MGRN1: variants seen among roughly 807,000 people sequenced by gnomAD.
MGRN1 encodes mahogunin ring finger 1.
A neutral mutation model predicts 69.2 loss-of-function variants in MGRN1; 29 were observed. The ratio of observed to expected loss-of-function variants is 0.42; its 90% CI spans 0.31 to 0.57. MGRN1 has a LOEUF of 0.57. MGRN1 is among the 20% of genes least tolerant of loss of function. MGRN1 has a pLI of 0.15. For synonymous variants in MGRN1, 470 were observed against 344.2 expected, an observed-to-expected ratio of 1.37 and a Z score of -4.04; for missense variants, 998 against 796.2, an observed-to-expected ratio of 1.25 and a Z score of -3.05.
At position 4,683,888 on chromosome 16, in the gene MGRN1, C is replaced by T. The variant is rs2079246814; in HGVS notation, c.1574C>T (p.Pro525Leu). 5 of 1,613,072 alleles carry T rather than the reference C, an allele frequency of 3.1e-6. No homozygotes were observed. The highest frequency in any genetic ancestry group is 4.2e-6 in the Non-Finnish European group (5 of 1,179,898). The stretch of plus-strand genomic sequence containing the variant: ...GAGAATGTCCTGCAGGACAGCAGCC[C>T]CGAGCACTGTGGCCGAGGCCCACCT... ...SIENVLQDSS[P>L]EHCGRGPPAD... is the part of the protein sequence containing the mutation. Residue 525 changes from proline (P) to leucine (L), a missense_variant, in exon 16 of 17, where the codon CCC (proline) becomes CTC (leucine). By Grantham distance (98) the Pro-to-Leu change is moderately conservative. Coordinates refer to ENST00000262370, the MANE Select transcript of MGRN1 (RefSeq NM_015246.4).
intron 11 of MGRN1, among the ~76,000 whole-genome samples, chr16:4,679,642 G>A (rs1016917696): frequency 6.6e-6 from 1 of 152,208 alleles, no homozygotes; most frequent in Non-Finnish European, 1.5e-5. Context: ...GCACCGGCTG[G>A]CTGGGGGACT....
intron 11 of MGRN1, among the ~76,000 whole-genome samples, chr16:4,679,810 C>T (rs1293754534): frequency 6.6e-6 from 1 of 152,148 alleles, no homozygotes; most frequent in East Asian, 1.9e-4. Context: ...ACAGCCTCCC[C>T]ACTGCAGCAG....
At chr16:4,638,233 G>C (rs886843206) in intron 1 of MGRN1, among the ~76,000 whole-genome samples, 2 of 152,126 alleles carry the variant, frequency 1.3e-5, no homozygotes, top group Non-Finnish European at 2.9e-5. Flanking sequence ...TTGGGAGGCC[G>C]AGGCGGGTGG....
At chr16:4,658,408 C>T (rs1215265916) in intron 5 of MGRN1, among the ~76,000 whole-genome samples, 3 of 152,116 alleles carry the variant, frequency 2.0e-5, no homozygotes, top group African/African-American at 7.2e-5. Flanking sequence ...TGGTGGCGGG[C>T]GCCTGTAGTC....
chr16:4,681,267 G>C, intron 12 of MGRN1: 1 of 463,228 alleles, frequency 2.2e-6, no homozygotes, highest in Middle Eastern at 5.5e-4. Flanking sequence ...CTGAAAGCCA[G>C]GGAGGGGCTG....
chr16:4,636,688 T>G (rs192468553), intron 1 of MGRN1, among the ~76,000 whole-genome samples: 245 of 152,268 alleles, frequency 1.6e-3, no homozygotes, highest in African/African-American at 4.7e-3. Context: ...TATTTTTAAT[T>G]TTTTTTCAAT....
intron 7 of MGRN1, among the ~76,000 whole-genome samples, chr16:4,667,966 G>C (rs1190283396): frequency 6.6e-6 from 1 of 152,090 alleles, no homozygotes; most frequent in African/African-American, 2.4e-5. Flanking sequence ...TTGGCATTCA[G>C]CTTGAGTGTG....
rs766501072 is a variant in MGRN1, at chr16:4,657,285, C to G, written c.483C>G (p.Val161=). 2 of 1,614,184 alleles carry G rather than the reference C, an allele frequency of 1.2e-6. No individual in the cohort carries two copies. Among genetic ancestry groups the G allele is most frequent in the Non-Finnish European group, 1.7e-6 (2 of 1,179,996 alleles). Residue 161 remains valine (V), a synonymous_variant, in exon 5 of 17, where the codon GTC becomes GTG. Transcript: ENST00000262370. The part of the protein sequence containing the change: ...PKSPSLQSET[V]HYKRGVSQQF... Reference sequence around the variant, plus strand: ...GCCCCTCGCTACAGTCCGAGACCGTCCACTACAAGAGAGGGGTGAGCCAGC... The same window carrying G: ...GCCCCTCGCTACAGTCCGAGACCGTGCACTACAAGAGAGGGGTGAGCCAGC...
rs763631143 is a variant in MGRN1, at chr16:4,681,612, C to G, written c.1194C>G (p.Leu398=). 3 of 1,613,548 alleles carry G rather than the reference C, an allele frequency of 1.9e-6. No homozygotes were observed. In the Admixed American group the frequency reaches 5.0e-5, roughly 27 times the overall value. ...PISLLEALNG[L]RAVSPAIPSA... is the part of the protein sequence containing the mutation. ...CGCTGCTCGAGGCGCTCAACGGCCTCCGGGCTGTCTCCCCGGCCATCCCCT... is the reference window on the plus strand; with the variant it reads ...CGCTGCTCGAGGCGCTCAACGGCCTGCGGGCTGTCTCCCCGGCCATCCCCT... The change falls in exon 13 of 17, where the codon CTC becomes CTG. Residue 398 remains leucine, a synonymous_variant. Transcript: ENST00000262370.
intron 16 of MGRN1, chr16:4,686,134 C>T: frequency 8.8e-7 from 1 of 1,137,608 alleles, no homozygotes; most frequent in East Asian, 2.6e-5. Flanking sequence ...TCTGTGGTTG[C>T]AGCAGAGTGT....
Position 4,657,349 on chromosome 16 carries a change from T to C in MGRN1, c.547T>C (p.Trp183Arg), listed in dbSNP as rs753296392. The change falls in exon 5 of 17, where the codon TGG becomes CGG. Residue 183 changes from tryptophan to arginine, a missense_variant. Trp to Arg is a moderately radical substitution (Grantham distance 101, BLOSUM62 -3). Coordinates refer to ENST00000262370, the MANE Select transcript of MGRN1 (RefSeq NM_015246.4). Reference sequence around the variant, plus strand: ...CTCCTTCAAGATTGACTTCTCGGAATGGAAGGATGACGAGGTAATGCTGGC... The same window carrying C: ...CTCCTTCAAGATTGACTTCTCGGAACGGAAGGATGACGAGGTAATGCTGGC... The part of the protein sequence containing the change: ...LPSFKIDFSE[W>R]KDDELNFDLD... 1 of 1,614,040 alleles carries C rather than the reference T, an allele frequency of 6.2e-7. No individual in the cohort carries two copies. Among genetic ancestry groups the C allele is most frequent in the East Asian group, 2.2e-5 (1 of 44,884 alleles).
chr16:4,676,595 G>C (rs1371832857), intron 10 of MGRN1, among the ~76,000 whole-genome samples: 2 of 152,206 alleles, frequency 1.3e-5, no homozygotes, highest in African/African-American at 2.4e-5. Context: ...AATTGACACA[G>C]AGGAGGCCTG....
chr16:4,629,476 CA>C (rs1444678301), intron 1 of MGRN1, among the ~76,000 whole-genome samples: 7 of 152,094 alleles, frequency 4.6e-5, no homozygotes, highest in African/African-American at 1.7e-4. Flanking sequence ...CATGGTGGCT[CA>C]CGCCTGTAAT....
At chr16:4,643,424 T>TC (rs1039236936) in intron 1 of MGRN1, among the ~76,000 whole-genome samples, 32 of 144,490 alleles carry the variant, frequency 2.2e-4, no homozygotes, top group African/African-American at 6.5e-4. Context: ...TTTTTTTTTT[T>TC]CTGAGACAGA....
chr16:4,641,843 A>G (rs2078166481), intron 1 of MGRN1, among the ~76,000 whole-genome samples: 2 of 152,110 alleles, frequency 1.3e-5, no homozygotes, highest in African/African-American at 4.8e-5. Context: ...TTGTAGAGAC[A>G]GGGTCTCGCC....
intron 5 of MGRN1, among the ~76,000 whole-genome samples, chr16:4,657,767 A>C (rs1313111709): frequency 2.6e-5 from 1 of 38,952 alleles, no homozygotes; most frequent in Non-Finnish European, 4.8e-5. Context: ...TTTTTTTTTG[A>C]GACAGTCTCG....
intron 6 of MGRN1, 150 bp from the exon 7 acceptor site, chr16:4,664,952 A>G (rs931622427): frequency 1.7e-6 from 2 of 1,148,804 alleles, no homozygotes; most frequent in African/African-American, 1.5e-5. Flanking sequence ...TGGAAAGTGC[A>G]GGAGGGCAGG....
rs145416814 is a variant in MGRN1, at chr16:4,633,331, G to T, written c.88+8283G>T. Reference sequence around the variant, plus strand: ...TTTAAACCAGGAAGCAGAGCTTGCAGTGAGCTGAGATCACGCCACTGCATT... The same window carrying T: ...TTTAAACCAGGAAGCAGAGCTTGCATTGAGCTGAGATCACGCCACTGCATT... On this transcript the variant is annotated intron_variant, in intron 1 of 16. Coordinates refer to ENST00000262370, the MANE Select transcript of MGRN1 (RefSeq NM_015246.4). 3.3e-5 allele frequency among the ~76,000 whole-genome samples: 5 copies of T among 152,054 alleles called. No homozygotes were observed. The East Asian group carries it at 9.7e-4, about 30-fold the overall frequency.
At chr16:4,638,819 G>A (rs950372563) in intron 1 of MGRN1, among the ~76,000 whole-genome samples, 1 of 152,180 alleles carries the variant, frequency 6.6e-6, no homozygotes, top group Non-Finnish European at 1.5e-5. Flanking sequence ...CAGACACCTC[G>A]TGGCCTTCCC....
Sources: allele counts gnomAD v4.1 joint callset (sites outside exome capture counted in the v4.1 genomes callset), GRCh38; gene constraint gnomAD v4.1.1; transcripts MANE v1.5; gene names NCBI Gene and HGNC (gene_info 2026-07-23, HGNC 2026-07-21).